The following SPRY3 variants were observed in gnomAD, a reference collection of about 807,000 sequenced individuals.
The protein encoded by SPRY3 is protein sprouty homolog 3.
A neutral mutation model predicts 20.2 loss-of-function variants in SPRY3; 15 were observed. That is an observed-to-expected ratio of 0.74 (90% CI 0.50 to 1.14). The LOEUF (loss-of-function observed/expected upper bound fraction) is 1.14, where lower values mean the gene tolerates loss of function less well. Ranked by LOEUF, SPRY3 falls within the 50% of genes most tolerant of loss-of-function variation. SPRY3 has a pLI of 0.00. For missense variants in SPRY3, 364 were observed against 363.9 expected (o/e 1.00, Z 0.00); for synonymous variants, 143 against 136.5 (o/e 1.05, Z -0.33).
At chrX:155,631,907 T>C (rs1180193493) in intron 1 of SPRY3, among the ~76,000 whole-genome samples, 1 of 111,649 alleles carries the variant, frequency 9.0e-6, no homozygotes, top group Non-Finnish European at 1.9e-5. Flanking sequence ...CAAGCATTTA[T>C]CCTTTGTGTT....
intron 1 of SPRY3, among the ~76,000 whole-genome samples, chrX:155,638,657 G>T (rs2067932216): frequency 9.1e-6 from 1 of 110,284 alleles, no homozygotes; most frequent in African/African-American, 3.3e-5. Flanking sequence ...AAATAAATCT[G>T]TGGAAATTTT....
At chrX:155,735,588 T>C (rs1404636119) in intron 2 of SPRY3, among the ~76,000 whole-genome samples, 1 of 152,096 alleles carries the variant, frequency 6.6e-6, no homozygotes, top group Non-Finnish European at 1.5e-5. Flanking sequence ...AAGATTTTTC[T>C]TGCTCTGAAA....
chrX:155,715,684 C>T (rs2124546949), intron 2 of SPRY3, among the ~76,000 whole-genome samples: 1 of 151,128 alleles, frequency 6.6e-6, no homozygotes, highest in East Asian at 1.9e-4. Flanking sequence ...TTTCAAGGAC[C>T]CTATTGCACT....
chrX:155,740,687 A>G (rs2091199658), intron 2 of SPRY3, among the ~76,000 whole-genome samples: 1 of 152,132 alleles, frequency 6.6e-6, no homozygotes, highest in African/African-American at 2.4e-5. Flanking sequence ...TATCAAGACA[A>G]TAATACGTGC....
intron 1 of SPRY3, among the ~76,000 whole-genome samples, chrX:155,616,107 T>TAC (rs2067850988): frequency 1.9e-5 from 1 of 52,312 alleles, no homozygotes; most frequent in Non-Finnish European, 4.5e-5. Flanking sequence ...GGGGTCTCTC[T>TAC]CTCTCTCTCT....
intron 2 of SPRY3, among the ~76,000 whole-genome samples, chrX:155,673,250 TAA>T (rs1196366881): frequency 9.6e-6 from 1 of 103,828 alleles, no homozygotes. Flanking sequence ...TATAACATGT[TAA>T]AAAAAAAAAC....
chrX:155,782,421 C>T (rs1337079415), exon 2 of SPRY3: 1 of 166,870 alleles, frequency 6.0e-6, no homozygotes, highest in Non-Finnish European at 1.5e-5. Context: ...CATCTGGCTA[C>T]TTATTTGTTA....
chrX:155,693,470 G>T (rs2068109682), intron 2 of SPRY3, among the ~76,000 whole-genome samples: 1 of 111,865 alleles, frequency 8.9e-6, no homozygotes, highest in Admixed American at 9.5e-5. Flanking sequence ...GCCTGGTGTG[G>T]TATTTTATAA....
chrX:155,706,187 A>T (rs1038999814), intron 2 of SPRY3, among the ~76,000 whole-genome samples: 3 of 151,272 alleles, frequency 2.0e-5, no homozygotes, highest in Non-Finnish European at 4.5e-5. Context: ...AGTAGAATTA[A>T]ACTGGAAATC....
intron 2 of SPRY3, among the ~76,000 whole-genome samples, chrX:155,712,538 A>G (rs2090994142): frequency 6.6e-6 from 1 of 151,678 alleles, no homozygotes; most frequent in South Asian, 2.1e-4. Flanking sequence ...ATGGAATATC[A>G]TTTTCCATTT....
At chrX:155,753,980 G>A (rs1416112812) in intron 2 of SPRY3, among the ~76,000 whole-genome samples, 1 of 151,780 alleles carries the variant, frequency 6.6e-6, no homozygotes, top group Non-Finnish European at 1.5e-5. Context: ...ATCTATTGTG[G>A]ATACAAGTTC....
intron 2 of SPRY3, among the ~76,000 whole-genome samples, chrX:155,679,834 A>G (rs2068068537): frequency 9.0e-6 from 1 of 111,173 alleles, no homozygotes; most frequent in Non-Finnish European, 1.9e-5. Context: ...TATGAATGAG[A>G]TGTTTACACT....
intron 2 of SPRY3, among the ~76,000 whole-genome samples, chrX:155,722,270 C>A (rs760952383): frequency 3.3e-5 from 5 of 152,260 alleles, no homozygotes; most frequent in Middle Eastern, 3.4e-3. Flanking sequence ...CGCCTGTAAT[C>A]TCAGCACTTT....
At chrX:155,726,051 T>C (rs1169313357) in intron 2 of SPRY3, among the ~76,000 whole-genome samples, 2 of 152,200 alleles carry the variant, frequency 1.3e-5, no homozygotes, top group Admixed American at 1.3e-4. Flanking sequence ...AGAACATCTT[T>C]ATTTCTCCCT....
intron 2 of SPRY3, among the ~76,000 whole-genome samples, chrX:155,736,574 C>T (rs901005483): frequency 5.3e-5 from 8 of 151,984 alleles, no homozygotes; most frequent in African/African-American, 9.6e-5. Flanking sequence ...GTTCTTCTAA[C>T]GATAAGATGT....
chrX:155,721,722 A>G (rs2091059813), intron 2 of SPRY3, among the ~76,000 whole-genome samples: 1 of 152,156 alleles, frequency 6.6e-6, no homozygotes, highest in Admixed American at 6.5e-5. Context: ...TATCCTTCGA[A>G]CATGAAGGAG....
exon 3 of SPRY3, chrX:155,768,099 T>C (rs185484276): frequency 6.6e-6 from 1 of 152,198 alleles, no homozygotes; most frequent in East Asian, 1.9e-4. Context: ...GCATTAGTTC[T>C]TCTGCTTTTC....
At chrX:155,753,147 T>G (rs1320857451) in intron 2 of SPRY3, among the ~76,000 whole-genome samples, 1 of 151,908 alleles carries the variant, frequency 6.6e-6, no homozygotes, top group Non-Finnish European at 1.5e-5. Context: ...CACAATTTAA[T>G]AGTTTTTAGT....
At chrX:155,721,568 G>A (rs765923097) in intron 2 of SPRY3, among the ~76,000 whole-genome samples, 41 of 151,948 alleles carry the variant, frequency 2.7e-4, no homozygotes, top group African/African-American at 8.4e-4. Flanking sequence ...GAAAATAAAC[G>A]AATAACATAC....
Sources: gnomAD v4.1 joint callset for allele counts (sites outside exome capture counted in the v4.1 genomes callset) on GRCh38, gnomAD v4.1.1 for gene constraint, MANE v1.5 for transcripts, NCBI Gene and HGNC (gene_info 2026-07-23, HGNC 2026-07-21) for gene names.